NEXMIF: variants seen among roughly 807,000 people sequenced by gnomAD.
NEXMIF encodes the protein XLMR protein related to neurite extension.
In NEXMIF, 8 loss-of-function variants were observed where a neutral mutation model predicts 62.1. The ratio of observed to expected loss-of-function variants is 0.13; its 90% CI spans 0.08 to 0.23. NEXMIF has a LOEUF of 0.23. NEXMIF is among the 10% of genes least tolerant of loss of function. The probability of loss-of-function intolerance (pLI) is 1.00; values close to 1 mark genes in which losing one functional copy is unlikely to be tolerated. For synonymous variants in NEXMIF, 404 were observed against 416.6 expected (o/e 0.97, Z 0.37); for missense variants, 976 against 1,113.3 (o/e 0.88, Z 1.75).
intron 1 of NEXMIF, among the ~76,000 whole-genome samples, chrX:74,922,603 G>C (rs986581010): frequency 2.7e-5 from 3 of 111,755 alleles, no homozygotes; most frequent in African/African-American, 9.8e-5. Context: ...TAGCTATTTG[G>C]TGAAGGTCTC....
intron 1 of NEXMIF, among the ~76,000 whole-genome samples, chrX:74,922,941 G>T (rs2080831936): frequency 9.0e-6 from 1 of 111,385 alleles, no homozygotes; most frequent in Non-Finnish European, 1.9e-5. Flanking sequence ...AGTAAATAGA[G>T]AAATTTCAAG....
Position 74,827,990 on chromosome X carries a change from A to G in NEXMIF, c.-47-82293T>C, listed in dbSNP as rs2080424093. Among the ~76,000 whole-genome samples, 3 of 111,996 alleles carry G rather than the reference A, an allele frequency of 2.7e-5. No individual in the cohort carries two copies. In the South Asian group the frequency reaches 1.1e-3, roughly 42 times the overall value. On this transcript the variant is annotated intron_variant, in intron 1 of 3. Coordinates refer to ENST00000055682, the MANE Select transcript of NEXMIF (RefSeq NM_001008537.3). The stretch of plus-strand genomic sequence containing the variant: ...GGTGCATATAGTTTCCTAATTATGT[A>G]GTGGAAAAAATAGCATGCCCCATAC...
intron 1 of NEXMIF, among the ~76,000 whole-genome samples, chrX:74,845,912 C>T: frequency 8.9e-6 from 1 of 112,095 alleles, no homozygotes. Context: ...AAGCACATTT[C>T]CTTATGCAAC....
At chrX:74,884,903 A>T (rs931030957) in intron 1 of NEXMIF, among the ~76,000 whole-genome samples, 1 of 111,605 alleles carries the variant, frequency 9.0e-6, no homozygotes, top group Non-Finnish European at 1.9e-5. Context: ...GAAGTAAAGC[A>T]GTCCTCAGCA....
intron 1 of NEXMIF, among the ~76,000 whole-genome samples, chrX:74,849,570 C>A (rs1197270822): frequency 8.9e-6 from 1 of 112,576 alleles, no homozygotes; most frequent in Non-Finnish European, 1.9e-5. Context: ...AAAGGCCAGG[C>A]CCCACCAGGC....
chrX:74,851,029 G>T (rs746402586), intron 1 of NEXMIF, among the ~76,000 whole-genome samples: 1 of 108,058 alleles, frequency 9.3e-6, no homozygotes, highest in Non-Finnish European at 1.9e-5. Flanking sequence ...ATTAAAAAAA[G>T]AAACAAACAG....
intron 1 of NEXMIF, among the ~76,000 whole-genome samples, chrX:74,917,887 A>G (rs889837230): frequency 9.0e-6 from 1 of 111,467 alleles, no homozygotes; most frequent in African/African-American, 3.3e-5. Flanking sequence ...AGAATCAGAG[A>G]GTTGACAAGT....
chrX:74,784,807 G>T (rs1486547500), intron 1 of NEXMIF, among the ~76,000 whole-genome samples: 1 of 110,721 alleles, frequency 9.0e-6, no homozygotes, highest in Non-Finnish European at 1.9e-5. Flanking sequence ...AGGGCATTGT[G>T]TATGCCCTTT....
At chrX:74,839,779 G>T (rs754439806) in intron 1 of NEXMIF, among the ~76,000 whole-genome samples, 203 of 112,525 alleles carry the variant, frequency 1.8e-3, no homozygotes, top group Middle Eastern at 4.6e-3. Context: ...ATTCTATGGT[G>T]TATGTGTATC....
intron 1 of NEXMIF, among the ~76,000 whole-genome samples, chrX:74,910,015 G>A (rs1228331638): frequency 8.9e-6 from 1 of 112,667 alleles, no homozygotes; most frequent in African/African-American, 3.2e-5. Flanking sequence ...CAGGGGTGGA[G>A]CCCTCACGGA....
intron 1 of NEXMIF, among the ~76,000 whole-genome samples, chrX:74,803,112 G>A (rs905468914): frequency 8.9e-6 from 1 of 111,817 alleles, no homozygotes; most frequent in Non-Finnish European, 1.9e-5. Context: ...TGGCCTTAAA[G>A]AGGAGGAAGA....
chrX:74,897,920 A>G (rs758585653), intron 1 of NEXMIF, among the ~76,000 whole-genome samples: 4 of 112,457 alleles, frequency 3.6e-5, no homozygotes, highest in Non-Finnish European at 7.5e-5. Context: ...ACTATAATCC[A>G]AAGTTTAAAA....
chrX:74,878,459 C>T (rs994250639), intron 1 of NEXMIF, among the ~76,000 whole-genome samples: 5 of 112,600 alleles, frequency 4.4e-5, no homozygotes, highest in South Asian at 3.6e-4. Context: ...TGTGCCCTGC[C>T]CCCAGAGGTG....
chrX:74,893,200 T>C (rs183709209), intron 1 of NEXMIF, among the ~76,000 whole-genome samples: 1 of 111,618 alleles, frequency 9.0e-6, no homozygotes, highest in East Asian at 2.8e-4. Context: ...GAAACAAGAG[T>C]CTAAGTAATC....
Position 74,923,771 on chromosome X carries a change from G to A in NEXMIF, c.-48+1112C>T, listed in dbSNP as rs774477717. Reference sequence around the variant, plus strand: ...GACATTTTTAAAAACAGCCCTGCCAGCCCTACAACACAAATCATGTCTTTT... The same window carrying A: ...GACATTTTTAAAAACAGCCCTGCCAACCCTACAACACAAATCATGTCTTTT... On this transcript the variant is annotated intron_variant, in intron 1 of 3. Coordinates refer to ENST00000055682, the MANE Select transcript of NEXMIF (RefSeq NM_001008537.3). Among the ~76,000 whole-genome samples, 15 of 112,195 alleles carry A rather than the reference G, an allele frequency of 1.3e-4. No homozygotes were observed. The East Asian group carries it at 4.2e-3, about 31-fold the overall frequency.
intron 1 of NEXMIF, among the ~76,000 whole-genome samples, chrX:74,840,690 T>C (rs2080471117): frequency 8.9e-6 from 1 of 112,233 alleles, no homozygotes; most frequent in Non-Finnish European, 1.9e-5. Flanking sequence ...AGTTTCAATC[T>C]TCTGTATATG....
At chrX:74,856,131 C>G (rs2080534120) in intron 1 of NEXMIF, among the ~76,000 whole-genome samples, 1 of 111,845 alleles carries the variant, frequency 8.9e-6, no homozygotes, top group Non-Finnish European at 1.9e-5. Context: ...CACTTTAAAC[C>G]AGTTATTATA....
chrX:74,807,826 A>G (rs928760705), intron 1 of NEXMIF, among the ~76,000 whole-genome samples: 1 of 111,632 alleles, frequency 9.0e-6, no homozygotes, highest in African/African-American at 3.3e-5. Context: ...GAGTGGTAGG[A>G]GTGAATAGCC....
intron 1 of NEXMIF, among the ~76,000 whole-genome samples, chrX:74,791,955 T>A (rs948331043): frequency 9.0e-6 from 1 of 111,420 alleles, no homozygotes; most frequent in Non-Finnish European, 1.9e-5. Context: ...TTTGAAGGGT[T>A]GTTTGTGTCT....
Sources: gnomAD v4.1 joint callset for allele counts (sites outside exome capture counted in the v4.1 genomes callset) on GRCh38, gnomAD v4.1.1 for gene constraint, MANE v1.5 for transcripts, NCBI Gene and HGNC (gene_info 2026-07-23, HGNC 2026-07-21) for gene names.